SLC28A3: variants seen among roughly 807,000 people sequenced by gnomAD.
SLC28A3 encodes solute carrier family 28 member 3.
A neutral mutation model predicts 84.2 loss-of-function variants in SLC28A3; 68 were observed. That is an observed-to-expected ratio of 0.81 (90% confidence interval 0.66 to 0.99). SLC28A3 has a LOEUF of 0.99. SLC28A3 is among the 50% of genes least tolerant of loss of function. The probability of loss-of-function intolerance (pLI) is 0.00; values close to 1 mark genes in which losing one functional copy is unlikely to be tolerated. For synonymous variants in SLC28A3, 267 were observed against 303.6 expected (o/e 0.88, Z 1.25); for missense variants, 712 against 841.5 (o/e 0.85, Z 1.90).
chr9:84,315,127 G>A (rs1299933466), intron 1 of SLC28A3, among the ~76,000 whole-genome samples: 1 of 152,150 alleles, frequency 6.6e-6, no homozygotes, highest in Admixed American at 6.6e-5. Flanking sequence ...TACATAGTAT[G>A]GGAAGATGAC....
At chr9:84,365,943 G>A in the SLC28A3 span, among the ~76,000 whole-genome samples, 1 of 152,166 alleles carries the variant, frequency 6.6e-6, no homozygotes, top group African/African-American at 2.4e-5. Flanking sequence ...CCAGCTACTT[G>A]GGAGGCTGAG....
At chr9:84,290,722 A>G (rs1471933888) in intron 10 of SLC28A3, among the ~76,000 whole-genome samples, 1 of 152,176 alleles carries the variant, frequency 6.6e-6, no homozygotes, top group Non-Finnish European at 1.5e-5. Flanking sequence ...GCAGTGGCCT[A>G]ACCTTCTGGA....
chr9:84,350,567 G>A, the SLC28A3 span, among the ~76,000 whole-genome samples: 1 of 152,168 alleles, frequency 6.6e-6, no homozygotes, highest in South Asian at 2.1e-4. Context: ...TAGGTTCTAG[G>A]TGAGTCAGTG....
At chr9:84,351,106 C>CA in the SLC28A3 span, among the ~76,000 whole-genome samples, 3 of 152,084 alleles carry the variant, frequency 2.0e-5, no homozygotes, top group African/African-American at 7.2e-5. Context: ...TATGGCTATA[C>CA]AAAAATATTT....
chr9:84,305,405 C>A, intron 3 of SLC28A3, 60 bp from the exon 4 acceptor site: 1 of 1,351,078 alleles, frequency 7.4e-7, no homozygotes, highest in Admixed American at 1.7e-5. Context: ...AAATAAACTG[C>A]ATGGTGAGGC....
the SLC28A3 span, among the ~76,000 whole-genome samples, chr9:84,355,228 A>G: frequency 6.6e-6 from 1 of 152,088 alleles, no homozygotes; most frequent in Non-Finnish European, 1.5e-5. Context: ...GGATCTCCTG[A>G]GGCCAGGAGT....
the SLC28A3 span, among the ~76,000 whole-genome samples, chr9:84,361,317 C>G: frequency 4.1e-3 from 623 of 152,246 alleles, 5 homozygotes; most frequent in Admixed American, 0.012. Flanking sequence ...TGCACTCCGG[C>G]CTGGTGACAG....
intron 3 of SLC28A3, among the ~76,000 whole-genome samples, chr9:84,305,871 G>A (rs1825773134): frequency 6.6e-6 from 1 of 152,142 alleles, no homozygotes; most frequent in Admixed American, 6.5e-5. Flanking sequence ...ATGCAAAGTA[G>A]GATTTCCTGG....
chr9:84,339,236 G>A (rs1398843806), intron 1 of SLC28A3, among the ~76,000 whole-genome samples: 1 of 151,984 alleles, frequency 6.6e-6, no homozygotes, highest in Non-Finnish European at 1.5e-5. Context: ...TCTCATACAT[G>A]TGAGATTTTA....
the SLC28A3 span, among the ~76,000 whole-genome samples, chr9:84,357,032 C>CG: frequency 3.9e-5 from 6 of 152,206 alleles, no homozygotes; most frequent in Non-Finnish European, 8.8e-5. Context: ...TTGTAAAACA[C>CG]TATAGTGCAT....
chr9:84,338,350 G>C (rs527265953), intron 1 of SLC28A3, among the ~76,000 whole-genome samples: 2 of 152,210 alleles, frequency 1.3e-5, no homozygotes, highest in Admixed American at 1.3e-4. Context: ...TGTAGCAGGA[G>C]AGCTGAATGT....
rs185850427 is a variant in SLC28A3, at chr9:84,276,345, G to A, written c.*1873C>T. Reference sequence around the variant, plus strand: ...AAATTAATTTTACTTGTTTTTTAGCGTGGCTACTAGATCTTAAATTACATG... The same window carrying A: ...AAATTAATTTTACTTGTTTTTTAGCATGGCTACTAGATCTTAAATTACATG... On this transcript the variant is annotated 3_prime_UTR_variant, in exon 18 of 18. Transcript: ENST00000376238. 4 of 150,808 alleles carry A rather than the reference G, an allele frequency of 2.7e-5. No homozygotes were observed. Among genetic ancestry groups the A allele is most frequent in the East Asian group, 1.9e-4 (1 of 5,156 alleles). The allele number at this position is 150,808 out of a possible 1,614,324, so 9.3% of individuals were successfully genotyped here. A position where few individuals can be genotyped will look rare whatever the true frequency, so the allele number is the denominator to read the frequency against.
chr9:84,323,046 C>A (rs1028667364), intron 1 of SLC28A3, among the ~76,000 whole-genome samples: 5 of 152,066 alleles, frequency 3.3e-5, no homozygotes, highest in Middle Eastern at 3.2e-3. Flanking sequence ...TTATATTTTG[C>A]TGACATGATG....
the SLC28A3 span, among the ~76,000 whole-genome samples, chr9:84,358,066 T>G: frequency 6.6e-6 from 1 of 152,182 alleles, no homozygotes; most frequent in East Asian, 1.9e-4. Flanking sequence ...TTAAACCAGA[T>G]AGCAAGATGG....
At chr9:84,336,887 C>T (rs996730482) in intron 1 of SLC28A3, among the ~76,000 whole-genome samples, 17 of 152,314 alleles carry the variant, frequency 1.1e-4, no homozygotes, top group African/African-American at 4.1e-4. Context: ...GCCCACCCCA[C>T]CTCCTACTGT....
intron 5 of SLC28A3, among the ~76,000 whole-genome samples, chr9:84,300,007 G>T (rs1825565899): frequency 6.6e-6 from 1 of 152,114 alleles, no homozygotes; most frequent in Non-Finnish European, 1.5e-5. Flanking sequence ...TGGCCAGGCT[G>T]GTCTTGAACT....
At chr9:84,333,064 AT>A (rs1826847774) in intron 1 of SLC28A3, among the ~76,000 whole-genome samples, 1 of 152,182 alleles carries the variant, frequency 6.6e-6, no homozygotes, top group Admixed American at 6.5e-5. Flanking sequence ...TCCAGAGATG[AT>A]TTTGAGGGCT....
chr9:84,306,230 C>T (rs1825784631), intron 3 of SLC28A3, among the ~76,000 whole-genome samples: 1 of 152,154 alleles, frequency 6.6e-6, no homozygotes, highest in Non-Finnish European at 1.5e-5. Context: ...CGGGATAGCA[C>T]TTCTAAAAAT....
At chr9:84,360,002 CAAAAAA>C in the SLC28A3 span, among the ~76,000 whole-genome samples, 4 of 56,250 alleles carry the variant, frequency 7.1e-5, no homozygotes, top group Admixed American at 3.7e-4. Context: ...AACTCTGTCT[CAAAAAA>C]AAAAAAAAAA....
Sources: allele counts gnomAD v4.1 joint callset (sites outside exome capture counted in the v4.1 genomes callset), GRCh38; gene constraint gnomAD v4.1.1; transcripts MANE v1.5; gene names NCBI Gene and HGNC (gene_info 2026-07-23, HGNC 2026-07-21).